Variants in PJA2 observed in about 807,000 individuals in gnomAD.
PJA2 encodes the protein E3 ubiquitin-protein ligase Praja-2.
Under a neutral mutation model 69.3 loss-of-function variants are expected in PJA2, and 25 were observed. That is an observed-to-expected ratio of 0.36 (90% CI 0.26 to 0.50). PJA2 has a LOEUF of 0.50. Ranked by LOEUF, PJA2 falls within the 20% of genes least tolerant of loss-of-function variation. PJA2 has a pLI of 0.96. For synonymous variants in PJA2, 308 were observed against 277.8 expected, an observed-to-expected ratio of 1.11 and a Z score of -1.08; for missense variants, 809 against 830.2, an observed-to-expected ratio of 0.97 and a Z score of 0.31.
chr5:109,344,172 A>G lies in PJA2; in HGVS notation c.2001+18T>C, dbSNP rs775978144. On this transcript the variant is annotated intron_variant, in intron 9 of 9. Transcript: ENST00000361189. ...ACTATTAAAGTATTTTTAAATTTTTAATTATTCTATCACTCACCTTTTGTA... is the reference window on the plus strand; with the variant it reads ...ACTATTAAAGTATTTTTAAATTTTTGATTATTCTATCACTCACCTTTTGTA... The G allele has an allele frequency of 6.6e-7, 1 of 1,511,868 alleles. No individual in the cohort carries two copies. The highest frequency in any genetic ancestry group is 8.9e-7 in the Non-Finnish European group (1 of 1,125,002). 93.7% of individuals were successfully genotyped at this position (1,511,868 alleles called of 1,614,324 possible). A position where few individuals can be genotyped will look rare whatever the true frequency, so the allele number is the denominator to read the frequency against.
At chr5:109,363,969 T>C (rs1035227935) in intron 5 of PJA2, among the ~76,000 whole-genome samples, 1 of 151,982 alleles carries the variant, frequency 6.6e-6, no homozygotes, top group African/African-American at 2.4e-5. Flanking sequence ...CTGGACAACA[T>C]AGTGAAACGC....
chr5:109,400,857 C>T (rs1273487857), intron 1 of PJA2, among the ~76,000 whole-genome samples: 2 of 152,002 alleles, frequency 1.3e-5, no homozygotes, highest in African/African-American at 4.8e-5. Context: ...GTTGCGGGTG[C>T]CTGTAGCCCC....
chr5:109,374,619 T>C (rs1311792774), intron 4 of PJA2, among the ~76,000 whole-genome samples: 1 of 152,238 alleles, frequency 6.6e-6, no homozygotes, highest in Non-Finnish European at 1.5e-5. Context: ...TATATCATAT[T>C]GAAGTCAACT....
At position 109,355,207 on chromosome 5, in the gene PJA2, T is replaced by C. The variant is rs565262021; in HGVS notation, c.1764+708A>G. On this transcript the variant is annotated intron_variant, in intron 7 of 9. Coordinates refer to ENST00000361189, the MANE Select transcript of PJA2 (RefSeq NM_014819.5). The stretch of plus-strand genomic sequence containing the variant: ...ATATTATAATGCTCCTAAAAGTTCT[T>C]GCCAATTTTTTGTTCTCTCACCTGT... Among the ~76,000 whole-genome samples the C allele has an allele frequency of 2.0e-5, 3 of 152,328 alleles. No individual in the cohort carries two copies. In the South Asian group the frequency reaches 6.2e-4, roughly 32 times the overall value.
intron 7 of PJA2, among the ~76,000 whole-genome samples, chr5:109,350,360 G>C (rs1324734782): frequency 2.0e-5 from 3 of 151,544 alleles, no homozygotes; most frequent in Non-Finnish European, 2.9e-5. Flanking sequence ...GAGGCAGAAA[G>C]ACAACTAGCC....
In PJA2 at chr5:109,378,510, T is replaced by C; in HGVS notation, c.977A>G (p.Gln326Arg). Residue 326 changes from glutamine to arginine, a missense_variant, in exon 4 of 10, where the codon CAG (glutamine) becomes CGG (arginine). Coordinates refer to ENST00000361189, the MANE Select transcript of PJA2 (RefSeq NM_014819.5). Reference sequence around the variant, plus strand: ...ATTAAAACCTGTTTCTTGGTCCACCTGGCTTGAACTTATCAGTTTTCTAAC... The same window carrying C: ...ATTAAAACCTGTTTCTTGGTCCACCCGGCTTGAACTTATCAGTTTTCTAAC... ...PKVRKLISSS[Q>R]VDQETGFNRH... 6.2e-7 allele frequency: 1 copy of C among 1,614,220 alleles called. No homozygotes were observed. Among genetic ancestry groups the C allele is most frequent in the Non-Finnish European group, 8.5e-7 (1 of 1,180,014 alleles).
chr5:109,383,620 A>C (rs1001940233), intron 1 of PJA2, 100 bp from the exon 2 acceptor site: 1 of 485,764 alleles, frequency 2.1e-6, no homozygotes, highest in African/African-American at 2.0e-5. Flanking sequence ...AATAAAACTT[A>C]GAAAAATACA....
intron 1 of PJA2, among the ~76,000 whole-genome samples, chr5:109,394,412 TA>T (rs775140574): frequency 7.9e-5 from 12 of 152,200 alleles, no homozygotes; most frequent in Non-Finnish European, 1.2e-4. Flanking sequence ...TTACTGAAGT[TA>T]CACCCATTTT....
chr5:109,376,360 T>C (rs898201379), intron 4 of PJA2, among the ~76,000 whole-genome samples: 7 of 150,850 alleles, frequency 4.6e-5, no homozygotes, highest in African/African-American at 1.2e-4. Flanking sequence ...AAATACCTTA[T>C]AACTATGAAA....
In PJA2 at chr5:109,337,196, C is replaced by T. The variant is rs774618782; in HGVS notation, c.*35G>A. On this transcript the variant is annotated 3_prime_UTR_variant, in exon 10 of 10. Coordinates refer to ENST00000361189, the MANE Select transcript of PJA2 (RefSeq NM_014819.5). The stretch of plus-strand genomic sequence containing the variant: ...AATTTAGAAGGAATTTGCAGATTTA[C>T]TTTGATACACTGATCTCATTTCAAC... The T allele has an allele frequency of 6.3e-7, 1 of 1,584,574 alleles. No homozygotes were observed. Among genetic ancestry groups the T allele is most frequent in the Non-Finnish European group, 8.6e-7 (1 of 1,167,216 alleles).
chr5:109,409,292 C>A (rs1438022570), intron 1 of PJA2: 1 of 152,204 alleles, frequency 6.6e-6, no homozygotes, highest in Non-Finnish European at 1.5e-5. Flanking sequence ...GCGTGCCGAG[C>A]CTCACTGACA....
At chr5:109,381,825 AAGTGTACCTT>A in intron 2 of PJA2, 122 bp from the exon 3 acceptor site, 2 of 761,376 alleles carry the variant, frequency 2.6e-6, no homozygotes, top group South Asian at 3.7e-5. Context: ...TCTGAACATG[AAGTGTACCTT>A]ACTAGTACTA....
rs1344056790 is a variant in PJA2 at position 109,337,058 on chromosome 5, A to C, written c.*173T>G. 4.1e-6 allele frequency: 2 copies of C among 489,928 alleles called. No individual in the cohort carries two copies. Among genetic ancestry groups the C allele is most frequent in the Non-Finnish European group, 6.2e-6 (2 of 323,104 alleles). The allele number at this position is 489,928 out of a possible 1,614,324, so 30.3% of individuals were successfully genotyped here. On this transcript the variant is annotated 3_prime_UTR_variant, in exon 10 of 10. Coordinates refer to ENST00000361189, the MANE Select transcript of PJA2 (RefSeq NM_014819.5). ...TCAACATTCAGCTTAAAAATGTTTA[A>C]TACTTTCTGCAAACCTAAATTTAGT...
Position 109,378,346 on chromosome 5 carries a change from A to T in PJA2, c.1141T>A (p.Ser381Thr). Residue 381 changes from serine (S) to threonine (T), a missense_variant, in exon 4 of 10, where the codon TCA becomes ACA. Around this residue, in one of 4 missense-constraint regions of PJA2, gnomAD observed 700 missense variants for 639.5 expected, o/e 1.09. Transcript: ENST00000361189. ...GTTTCCCTTTGTGTAATAACTCTTG[A>T]GTATGGTGGATCCAAGAACATACAG... ...HDCMFLDPPY[S>T]RVITQRETEN... The T allele has an allele frequency of 1.2e-6, 2 of 1,614,092 alleles. No homozygotes were observed. The highest frequency in any genetic ancestry group is 1.7e-6 in the Non-Finnish European group (2 of 1,180,012).
intron 9 of PJA2, among the ~76,000 whole-genome samples, chr5:109,340,789 T>G (rs1762038223): frequency 9.6e-6 from 1 of 104,394 alleles, no homozygotes; most frequent in African/African-American, 3.2e-5. Context: ...TGCCTGCGAT[T>G]GCAGGCTCGC....
chr5:109,407,946 T>G (rs1369783776), intron 1 of PJA2, among the ~76,000 whole-genome samples: 1 of 152,152 alleles, frequency 6.6e-6, no homozygotes, highest in African/African-American at 2.4e-5. Context: ...CAATATAACC[T>G]TATTCAAAAT....
At chr5:109,347,606 G>T (rs1427193004) in intron 7 of PJA2, among the ~76,000 whole-genome samples, 2 of 152,242 alleles carry the variant, frequency 1.3e-5, no homozygotes, top group African/African-American at 4.8e-5. Flanking sequence ...TCTTGCCCCA[G>T]AGGGCAGATT....
At chr5:109,388,306 G>A (rs575156001) in intron 1 of PJA2, among the ~76,000 whole-genome samples, 1 of 151,956 alleles carries the variant, frequency 6.6e-6, no homozygotes, top group Non-Finnish European at 1.5e-5. Flanking sequence ...ACCTGGAAAG[G>A]GTAATGCCCT....
At chr5:109,363,155 T>G in intron 5 of PJA2, 133 bp from the exon 6 acceptor site, 1 of 714,830 alleles carries the variant, frequency 1.4e-6, no homozygotes, top group Non-Finnish European at 2.1e-6. Context: ...TCTAAAAAAC[T>G]GTCTTCCTTA....
Sources: allele counts gnomAD v4.1 joint callset (sites outside exome capture counted in the v4.1 genomes callset), GRCh38; gene constraint gnomAD v4.1.1; regional missense constraint gnomAD v4.1.1; transcripts MANE v1.5; gene names NCBI Gene and HGNC (gene_info 2026-07-23, HGNC 2026-07-21).